The following CNTNAP2 variants were observed in gnomAD, a reference collection of about 807,000 sequenced individuals.
CNTNAP2 encodes contactin associated protein 2.
CNTNAP2 carries 98 observed loss-of-function variants against 155.2 expected under a neutral mutation model. The observed-to-expected ratio is 0.63, with a 90% CI of 0.54 to 0.75. CNTNAP2 has a LOEUF of 0.75. Among genes scored for constraint, CNTNAP2 ranks in the 30% least tolerant of loss-of-function variants. The probability of loss-of-function intolerance (pLI) is 0.00; values close to 1 mark genes in which losing one functional copy is unlikely to be tolerated. For missense variants in CNTNAP2, 1,727 were observed against 1,688.1 expected, an observed-to-expected ratio of 1.02 and a Z score of -0.40; for synonymous variants, 651 against 631.2, an observed-to-expected ratio of 1.03 and a Z score of -0.47.
At chr7:147,369,928 C>T (rs1307242646) in intron 9 of CNTNAP2, among the ~76,000 whole-genome samples, 2 of 152,210 alleles carry the variant, frequency 1.3e-5, no homozygotes, top group African/African-American at 4.8e-5. Flanking sequence ...GTGATATTTC[C>T]TAGCTTGTCA....
At chr7:147,445,555 G>T (rs117132450) in intron 10 of CNTNAP2, among the ~76,000 whole-genome samples, 1 of 152,172 alleles carries the variant, frequency 6.6e-6, no homozygotes, top group Non-Finnish European at 1.5e-5. Flanking sequence ...GAGGATAAAG[G>T]TGTTAGAACA....
intron 13 of CNTNAP2, among the ~76,000 whole-genome samples, chr7:147,874,963 C>T (rs1290659329): frequency 6.6e-6 from 1 of 152,200 alleles, no homozygotes; most frequent in African/African-American, 2.4e-5. Context: ...TTATCTCCAT[C>T]TGAGACCACC....
At chr7:147,756,690 A>G (rs1486762039) in intron 13 of CNTNAP2, among the ~76,000 whole-genome samples, 1 of 152,200 alleles carries the variant, frequency 6.6e-6, no homozygotes, top group African/African-American at 2.4e-5. Context: ...AAAAAAATGA[A>G]AGATGCTTCT....
At chr7:148,025,876 T>G (rs1036906657) in intron 15 of CNTNAP2, among the ~76,000 whole-genome samples, 40 of 152,186 alleles carry the variant, frequency 2.6e-4, no homozygotes, top group African/African-American at 8.0e-4. Context: ...AAAACAAGTA[T>G]TTTTGGAAAT....
chr7:148,314,965 G>T (rs1286138066), intron 21 of CNTNAP2, among the ~76,000 whole-genome samples: 1 of 152,200 alleles, frequency 6.6e-6, no homozygotes, highest in Non-Finnish European at 1.5e-5. Flanking sequence ...TAAGAGAAGG[G>T]AGAGATTGAA....
intron 13 of CNTNAP2, among the ~76,000 whole-genome samples, chr7:147,766,502 G>T (rs191616266): frequency 6.6e-6 from 1 of 152,210 alleles, no homozygotes; most frequent in Admixed American, 6.5e-5. Flanking sequence ...ATGATTTATA[G>T]TCCTCCTCTG....
At chr7:147,397,890 G>A (rs189995393) in intron 10 of CNTNAP2, among the ~76,000 whole-genome samples, 2 of 151,700 alleles carry the variant, frequency 1.3e-5, no homozygotes, top group African/African-American at 4.8e-5. Context: ...GAAAAGATTA[G>A]CTGCAGGGAA....
intron 1 of CNTNAP2, among the ~76,000 whole-genome samples, chr7:146,289,432 G>C (rs952827920): frequency 2.0e-5 from 3 of 152,030 alleles, no homozygotes; most frequent in African/African-American, 7.2e-5. Context: ...CTGTGTTTAT[G>C]CTTAATTTTC....
Position 148,004,281 on chromosome 7 carries a change from C to T in CNTNAP2, c.2383+26292C>T, listed in dbSNP as rs147804101. On this transcript the variant is annotated intron_variant, in intron 15 of 23. Coordinates refer to ENST00000361727, the MANE Select transcript of CNTNAP2 (RefSeq NM_014141.6). ...ACACAGTTTCTAGTATGTGATTAAGCCTTCTATTTTTTAAAAAAGTATTTC... is the reference window on the plus strand; with the variant it reads ...ACACAGTTTCTAGTATGTGATTAAGTCTTCTATTTTTTAAAAAAGTATTTC... Among the ~76,000 whole-genome samples, 317 of 152,184 alleles carry T rather than the reference C, an allele frequency of 2.1e-3. 2 individuals carry two copies. The highest frequency in any genetic ancestry group is 7.0e-3 in the African/African-American group (292 of 41,554).
chr7:147,446,558 T>C (rs1797743753), intron 10 of CNTNAP2, among the ~76,000 whole-genome samples: 1 of 152,158 alleles, frequency 6.6e-6, no homozygotes, highest in Non-Finnish European at 1.5e-5. Flanking sequence ...TTCCACTGTT[T>C]ACAACCACGA....
At position 148,377,125 on chromosome 7, in the gene CNTNAP2, A is replaced by T. The variant is rs1798983279; in HGVS notation, c.3476-6524A>T. 3.0e-5 allele frequency among the ~76,000 whole-genome samples: 2 copies of T among 66,670 alleles called. 1 individual carries two copies. The highest frequency in any genetic ancestry group is 7.4e-5 in the African/African-American group (2 of 27,166). 43.7% of individuals were successfully genotyped at this position (66,670 alleles called of 152,430 possible). ...ATCCTACCCGATCAATGCAAATTCT[A>T]TTTCTCTCTCTCCAAGAGGCCCAGA... On this transcript the variant is annotated intron_variant, in intron 21 of 23. Transcript: ENST00000361727.
At chr7:146,733,193 C>T (rs1263486909) in intron 1 of CNTNAP2, among the ~76,000 whole-genome samples, 2 of 152,084 alleles carry the variant, frequency 1.3e-5, no homozygotes, top group East Asian at 1.9e-4. Flanking sequence ...GAAATAGGTA[C>T]TTATTCAGTT....
chr7:148,268,496 T>A (rs1268172046), intron 21 of CNTNAP2, among the ~76,000 whole-genome samples: 1 of 151,528 alleles, frequency 6.6e-6, no homozygotes, highest in Non-Finnish European at 1.5e-5. Context: ...TACAAAAAAA[T>A]TTAAAAAAAT....
intron 2 of CNTNAP2, among the ~76,000 whole-genome samples, chr7:146,788,269 G>A (rs575417897): frequency 7.2e-5 from 11 of 152,336 alleles, no homozygotes; most frequent in South Asian, 4.2e-4. Context: ...GCACAGCAGC[G>A]GGCTGAAGGG....
In CNTNAP2 at chr7:146,233,686, A is replaced by G. The variant is rs561293221; in HGVS notation, c.97+116713A>G. Among the ~76,000 whole-genome samples, 76 of 152,050 alleles carry G rather than the reference A, an allele frequency of 5.0e-4. 1 individual carries two copies. The highest frequency in any genetic ancestry group is 1.0e-3 in the Non-Finnish European group (69 of 67,986). On this transcript the variant is annotated intron_variant, in intron 1 of 23. Coordinates refer to ENST00000361727, the MANE Select transcript of CNTNAP2 (RefSeq NM_014141.6). ...TGTGTCCATGTGTTCTCATTGTTCA[A>G]TTCCCACCTATGAGTGAGAATATGC... is the stretch of plus-strand genomic sequence containing the variant.
chr7:148,265,396 C>T (rs556417586), intron 20 of CNTNAP2, among the ~76,000 whole-genome samples: 2 of 152,298 alleles, frequency 1.3e-5, no homozygotes, highest in South Asian at 4.1e-4. Context: ...ACCTCAGCCT[C>T]TCGAGTAGCT....
At chr7:147,236,548 G>A (rs1426960098) in intron 8 of CNTNAP2, among the ~76,000 whole-genome samples, 7 of 147,024 alleles carry the variant, frequency 4.8e-5, no homozygotes, top group Admixed American at 1.3e-4. Context: ...CTCACTTGTC[G>A]TATTCCTTCA....
intron 21 of CNTNAP2, among the ~76,000 whole-genome samples, chr7:148,313,831 T>C (rs1797639388): frequency 6.6e-6 from 1 of 152,170 alleles, no homozygotes; most frequent in Non-Finnish European, 1.5e-5. Flanking sequence ...TCTAGGGCTA[T>C]AAAGCGTCTC....
At chr7:148,042,465 A>G (rs533084584) in intron 15 of CNTNAP2, among the ~76,000 whole-genome samples, 1 of 152,184 alleles carries the variant, frequency 6.6e-6, no homozygotes, top group South Asian at 2.1e-4. Flanking sequence ...GCCCCTTTTC[A>G]TTATCCTAAA....
Sources: allele counts gnomAD v4.1 joint callset (sites outside exome capture counted in the v4.1 genomes callset), GRCh38; gene constraint gnomAD v4.1.1; transcripts MANE v1.5; gene names NCBI Gene and HGNC (gene_info 2026-07-23, HGNC 2026-07-21).